Variants in ENAH observed in about 807,000 individuals in gnomAD.
ENAH encodes protein enabled homolog.
ENAH carries 23 observed loss-of-function variants against 78.7 expected under a neutral mutation model. That is an observed-to-expected ratio of 0.29 (90% CI 0.21 to 0.41). The LOEUF (loss-of-function observed/expected upper bound fraction) is 0.41. Ranked by LOEUF, ENAH falls within the 10% of genes least tolerant of loss-of-function variation. The probability of loss-of-function intolerance (pLI) is 1.00; values close to 1 mark genes in which losing one functional copy is unlikely to be tolerated. For missense variants in ENAH, 544 were observed against 691.0 expected (o/e 0.79, Z 2.39); for synonymous variants, 226 against 241.0 (o/e 0.94, Z 0.58).
intron 5 of ENAH, chr1:225,517,882 AC>A: frequency 6.4e-7 from 1 of 1,551,300 alleles, no homozygotes; most frequent in Non-Finnish European, 8.7e-7. Context: ...GGCATCTGAC[AC>A]TGGAGCTGAG....
intron 1 of ENAH, among the ~76,000 whole-genome samples, chr1:225,606,018 C>T (rs572010983): frequency 6.6e-6 from 1 of 152,320 alleles, no homozygotes; most frequent in African/African-American, 2.4e-5. Flanking sequence ...ATCTTAAAAA[C>T]CTAAACCTCA....
Position 225,519,567 on chromosome 1 carries a change from TG to T in ENAH, c.435-3del, listed in dbSNP as rs764797662. On this transcript the variant is annotated splice_region_variant and splice_polypyrimidine_tract_variant and intron_variant, in intron 4 of 13. Transcript: ENST00000366843. ...TGCCGTTGCTGTTCTTGTAGTTGTC[TG>T]GAAAAAAAAAAAAAAAAGTAAAAAC... is the stretch of plus-strand genomic sequence containing the variant. 7.7e-6 allele frequency: 12 copies of T among 1,556,762 alleles called. No homozygotes were observed. The highest frequency in any genetic ancestry group is 2.4e-5 in the South Asian group (2 of 83,638).
intron 2 of ENAH, among the ~76,000 whole-genome samples, chr1:225,566,241 T>C (rs1575554411): frequency 6.6e-6 from 1 of 151,834 alleles, no homozygotes; most frequent in Admixed American, 6.6e-5. Context: ...CCCTCTAAGA[T>C]TGCTAGTTTT....
At chr1:225,531,646 A>G (rs2096538042) in intron 3 of ENAH, among the ~76,000 whole-genome samples, 1 of 152,158 alleles carries the variant, frequency 6.6e-6, no homozygotes, top group Non-Finnish European at 1.5e-5. Context: ...CCTAACAGAT[A>G]TTCTGAAAGA....
rs1663213102 is a variant in ENAH at position 225,652,526 on chromosome 1, G to C, written c.5+160C>G. 7 of 833,726 alleles carry C rather than the reference G, an allele frequency of 8.4e-6. No individual in the cohort carries two copies. In the African/African-American group the frequency reaches 1.1e-4, roughly 13 times the overall value. The allele number at this position is 833,726 out of a possible 1,614,324, so 51.6% of individuals were successfully genotyped here. A position where few individuals can be genotyped will look rare whatever the true frequency, so the allele number is the denominator to read the frequency against. ...GTTGGGGAGGTTTCCAAGAAAGAAA[G>C]AGAAATTGGAAGGGACAAAAGGCGG... On this transcript the variant is annotated intron_variant, in intron 1 of 13. Transcript: ENST00000366843.
In ENAH at chr1:225,555,071, A is replaced by C; in HGVS notation, c.184T>G (p.Cys62Gly). The C allele has an allele frequency of 6.5e-7, 1 of 1,546,230 alleles. No individual in the cohort carries two copies. The highest frequency in any genetic ancestry group is 8.8e-7 in the Non-Finnish European group (1 of 1,133,624). The change falls in exon 3 of 14, where the codon TGT (cysteine) becomes GGT (glycine). Residue 62 changes from cysteine (C) to glycine (G), a missense_variant. Coordinates refer to ENST00000366843, the MANE Select transcript of ENAH (RefSeq NM_018212.6). ...TACTTCAACCCTTTAGGAATGGCAC[A>C]GTTTATCACGACCTAAAAAATAATA... is the stretch of plus-strand genomic sequence containing the variant. ...KIQDHQVVIN[C>G]AIPKGLKYNQ...
At chr1:225,531,463 G>C (rs2096537057) in intron 3 of ENAH, among the ~76,000 whole-genome samples, 1 of 152,020 alleles carries the variant, frequency 6.6e-6, no homozygotes, top group African/African-American at 2.4e-5. Context: ...CACAAAATGA[G>C]ATAAATACTG....
intron 1 of ENAH, among the ~76,000 whole-genome samples, chr1:225,644,776 A>G (rs1661652727): frequency 6.6e-6 from 1 of 152,230 alleles, no homozygotes; most frequent in South Asian, 2.1e-4. Flanking sequence ...CAGATGTTCT[A>G]TAAGGCCTTT....
intron 4 of ENAH, among the ~76,000 whole-genome samples, chr1:225,521,759 G>A (rs141035608): frequency 1.6e-4 from 25 of 151,894 alleles, no homozygotes; most frequent in African/African-American, 3.4e-4. Flanking sequence ...ACATAAGAAC[G>A]TTCAATGTGG....
At chr1:225,510,106 C>T (rs1477842283) in intron 10 of ENAH, among the ~76,000 whole-genome samples, 1 of 152,168 alleles carries the variant, frequency 6.6e-6, no homozygotes, top group African/African-American at 2.4e-5. Flanking sequence ...AGGACCTGTA[C>T]CTTTCACTTC....
At chr1:225,591,050 A>G (rs1482920809) in intron 1 of ENAH, among the ~76,000 whole-genome samples, 1 of 152,182 alleles carries the variant, frequency 6.6e-6, no homozygotes, top group Non-Finnish European at 1.5e-5. Context: ...ATGCTATAAC[A>G]CTTTTTAAGT....
rs1012521261 is a variant in ENAH, at chr1:225,489,573, G to A, written c.*8202C>T. On this transcript the variant is annotated 3_prime_UTR_variant, in exon 14 of 14. Transcript: ENST00000366843. ...TCCTTCTCTTCAAAGATCAAAAGAA[G>A]AATAAACCAAAAAAGATTAAAAAAA... 4.6e-5 allele frequency: 7 copies of A among 151,480 alleles called. No homozygotes were observed. Among genetic ancestry groups the A allele is most frequent in the Admixed American group, 1.3e-4 (2 of 15,180 alleles). The allele number at this position is 151,480 out of a possible 1,614,324, so 9.4% of individuals were successfully genotyped here. A position where few individuals can be genotyped will look rare whatever the true frequency, so the allele number is the denominator to read the frequency against.
rs34052384 is a variant in ENAH, at chr1:225,599,796, TAAAA to T, written c.6-32386_6-32383del. ...GGGCGACAGGGCCGAGACTCCGTCT[TAAAA>T]AAAAAAAAAAAAAAAAAAAAAGTGA... On this transcript the variant is annotated intron_variant, in intron 1 of 13. Coordinates refer to ENST00000366843, the MANE Select transcript of ENAH (RefSeq NM_018212.6). 4.8e-5 allele frequency among the ~76,000 whole-genome samples: 4 copies of T among 83,006 alleles called. No homozygotes were observed. In the South Asian group the frequency reaches 1.3e-3, roughly 26 times the overall value. The allele number at this position is 83,006 out of a possible 152,430, so 54.5% of individuals were successfully genotyped here.
intron 2 of ENAH, among the ~76,000 whole-genome samples, chr1:225,562,591 AAAAAAAAAAAAC>A (rs1558819677): frequency 1.3e-5 from 2 of 148,460 alleles, no homozygotes; most frequent in Admixed American, 6.7e-5. Flanking sequence ...AAAAAAAAAA[AAAAAAAAAAAAC>A]ACACCCAAGC....
At chr1:225,557,217 G>C (rs1410296840) in intron 2 of ENAH, among the ~76,000 whole-genome samples, 1 of 152,088 alleles carries the variant, frequency 6.6e-6, no homozygotes, top group African/African-American at 2.4e-5. Flanking sequence ...ATCTGAGGAG[G>C]CTCTTAAGTA....
intron 11 of ENAH, among the ~76,000 whole-genome samples, chr1:225,502,492 G>C (rs2096288594): frequency 6.6e-6 from 1 of 152,238 alleles, no homozygotes; most frequent in Middle Eastern, 3.4e-3. Flanking sequence ...GTAGGTGTGA[G>C]CCACCACGCC....
intron 2 of ENAH, among the ~76,000 whole-genome samples, chr1:225,560,428 T>C (rs1575530330): frequency 6.6e-6 from 1 of 151,936 alleles, no homozygotes; most frequent in Admixed American, 6.6e-5. Context: ...GAGGCTAAGG[T>C]TGCAGTGAGC....
intron 2 of ENAH, among the ~76,000 whole-genome samples, chr1:225,566,267 G>A (rs551528666): frequency 2.0e-5 from 3 of 151,774 alleles, no homozygotes; most frequent in Admixed American, 2.0e-4. Context: ...GTGTTTTTTT[G>A]TTTGTTTGTT....
At chr1:225,573,628 G>A (rs564601111) in intron 1 of ENAH, among the ~76,000 whole-genome samples, 29 of 152,040 alleles carry the variant, frequency 1.9e-4, no homozygotes, top group African/African-American at 6.7e-4. Context: ...AATACCAGAC[G>A]AGAAAAAAAG....
Sources: gnomAD v4.1 joint callset for allele counts (sites outside exome capture counted in the v4.1 genomes callset) on GRCh38, gnomAD v4.1.1 for gene constraint, MANE v1.5 for transcripts, NCBI Gene and HGNC (gene_info 2026-07-23, HGNC 2026-07-21) for gene names.